Variants in PDZRN4 observed in about 807,000 individuals in gnomAD.
The protein encoded by PDZRN4 is PDZ domain containing ring finger 4, also known as PDZ domain-containing RING finger protein 4.
A neutral mutation model predicts 99.0 loss-of-function variants in PDZRN4; 70 were observed. The ratio of observed to expected loss-of-function variants is 0.71; its 90% CI spans 0.58 to 0.86. PDZRN4 has a LOEUF of 0.86. Ranked by LOEUF, PDZRN4 falls within the 40% of genes least tolerant of loss-of-function variation. PDZRN4 has a pLI of 0.00. For synonymous variants in PDZRN4, 551 were observed against 501.6 expected (o/e 1.10, Z -1.32); for missense variants, 1,474 against 1,331.2 (o/e 1.11, Z -1.67).
At chr12:41,461,240 T>A (rs1272661938) in intron 3 of PDZRN4, among the ~76,000 whole-genome samples, 1 of 152,008 alleles carries the variant, frequency 6.6e-6, no homozygotes, top group Non-Finnish European at 1.5e-5. Context: ...AAATTTCAGA[T>A]GTACAAGTGC....
intron 3 of PDZRN4, among the ~76,000 whole-genome samples, chr12:41,292,702 T>C (rs1364767019): frequency 6.6e-5 from 10 of 151,700 alleles, no homozygotes; most frequent in Non-Finnish European, 1.5e-5. Context: ...CTAAGTATGC[T>C]GAAGCATGCT....
At chr12:41,565,534 G>C (rs1308547603) in intron 8 of PDZRN4, among the ~76,000 whole-genome samples, 3 of 146,618 alleles carry the variant, frequency 2.0e-5, no homozygotes, top group African/African-American at 7.5e-5. Context: ...TTTTTTGCGT[G>C]TGTATTTTAT....
intron 3 of PDZRN4, among the ~76,000 whole-genome samples, chr12:41,202,520 C>T (rs890387112): frequency 2.0e-5 from 3 of 151,990 alleles, no homozygotes; most frequent in African/African-American, 7.2e-5. Context: ...TCCTCTTAAG[C>T]CTATGAATTA....
intron 3 of PDZRN4, among the ~76,000 whole-genome samples, chr12:41,274,910 G>A (rs1016747623): frequency 2.0e-5 from 3 of 152,136 alleles, no homozygotes; most frequent in Non-Finnish European, 2.9e-5. Flanking sequence ...TATTTGCAAA[G>A]TCTCCCAGTG....
chr12:41,437,857 C>G (rs1294434274), intron 3 of PDZRN4: 3 of 1,608,906 alleles, frequency 1.9e-6, no homozygotes, highest in South Asian at 1.1e-5. Flanking sequence ...AAACAGTAGT[C>G]AAGTCTGGAG....
At chr12:41,348,693 G>A (rs951451905) in intron 3 of PDZRN4, among the ~76,000 whole-genome samples, 4 of 151,954 alleles carry the variant, frequency 2.6e-5, no homozygotes, top group Admixed American at 1.3e-4. Flanking sequence ...TGGTCTCAAG[G>A]AACAGCACTT....
intron 3 of PDZRN4, among the ~76,000 whole-genome samples, chr12:41,406,234 T>G (rs891639515): frequency 2.0e-5 from 3 of 152,050 alleles, no homozygotes; most frequent in African/African-American, 7.2e-5. Context: ...ATATTAAAGC[T>G]CTTTAATTTC....
chr12:41,403,328 T>C (rs1018610989), intron 3 of PDZRN4, among the ~76,000 whole-genome samples: 1 of 152,160 alleles, frequency 6.6e-6, no homozygotes, highest in African/African-American at 2.4e-5. Context: ...TTGTAAAACA[T>C]AGCTGTGAGC....
At chr12:41,344,138 A>G (rs1951836676) in intron 3 of PDZRN4, among the ~76,000 whole-genome samples, 1 of 152,146 alleles carries the variant, frequency 6.6e-6, no homozygotes, top group South Asian at 2.1e-4. Context: ...AGTTGATTAT[A>G]TCATTCTGTT....
At chr12:41,266,310 C>CAAAAAAAAAAAA (rs777855203) in intron 3 of PDZRN4, among the ~76,000 whole-genome samples, 1 of 11,686 alleles carries the variant, frequency 8.6e-5, no homozygotes, top group African/African-American at 4.9e-4. Flanking sequence ...GACTCCGTCT[C>CAAAAAAAAAAAA]AAAAAAAAAA....
At chr12:41,321,237 CA>C (rs1427254095) in intron 3 of PDZRN4, among the ~76,000 whole-genome samples, 1 of 152,130 alleles carries the variant, frequency 6.6e-6, no homozygotes, top group Non-Finnish European at 1.5e-5. Flanking sequence ...CTCTTTTATT[CA>C]ATTAGGTCGG....
chr12:41,477,767 C>A, intron 3 of PDZRN4: 1 of 733,474 alleles, frequency 1.4e-6, no homozygotes, highest in Non-Finnish European at 2.4e-6. Flanking sequence ...CTAGAATAAA[C>A]ATGACATTAT....
At chr12:41,567,991 G>A in intron 9 of PDZRN4, 92 bp downstream of exon 9, 2 of 736,334 alleles carry the variant, frequency 2.7e-6, no homozygotes, top group South Asian at 3.7e-5. Context: ...CAAAATCAAA[G>A]GGTTTAATCC....
At chr12:41,564,180 A>C (rs1220298390) in intron 8 of PDZRN4, among the ~76,000 whole-genome samples, 1 of 152,246 alleles carries the variant, frequency 6.6e-6, no homozygotes, top group Non-Finnish European at 1.5e-5. Flanking sequence ...TTTTTAAAAT[A>C]ACTTTATCAA....
chr12:41,555,197 C>G (rs916573697), intron 6 of PDZRN4, among the ~76,000 whole-genome samples: 1 of 134,056 alleles, frequency 7.5e-6, no homozygotes, highest in Non-Finnish European at 1.5e-5. Context: ...CGCCACTGCA[C>G]TCCAGCCTGA....
intron 3 of PDZRN4, among the ~76,000 whole-genome samples, chr12:41,260,419 G>C (rs1243323653): frequency 6.6e-6 from 1 of 152,002 alleles, no homozygotes; most frequent in Non-Finnish European, 1.5e-5. Context: ...GAATTGTGAA[G>C]CTTTATTTTA....
At chr12:41,305,704 A>G (rs1287647288) in intron 3 of PDZRN4, among the ~76,000 whole-genome samples, 1 of 152,208 alleles carries the variant, frequency 6.6e-6, no homozygotes, top group Non-Finnish European at 1.5e-5. Context: ...TTAGGTCTTC[A>G]GCATACACAT....
At chr12:41,266,919 A>G (rs1232022484) in intron 3 of PDZRN4, among the ~76,000 whole-genome samples, 1 of 152,174 alleles carries the variant, frequency 6.6e-6, no homozygotes, top group Non-Finnish European at 1.5e-5. Context: ...CAATTTTTTC[A>G]CAGATTTTGT....
intron 3 of PDZRN4, among the ~76,000 whole-genome samples, chr12:41,471,261 C>T (rs183646112): frequency 1.3e-5 from 2 of 152,266 alleles, no homozygotes; most frequent in East Asian, 3.9e-4. Context: ...TCTTTTTCTT[C>T]TCACTCTTGC....
Sources: gnomAD v4.1 joint callset for allele counts (sites outside exome capture counted in the v4.1 genomes callset) on GRCh38, gnomAD v4.1.1 for gene constraint, MANE v1.5 for transcripts, NCBI Gene and HGNC (gene_info 2026-07-23, HGNC 2026-07-21) for gene names.